CDKAL1: variants seen among roughly 807,000 people sequenced by gnomAD.
CDKAL1 encodes threonylcarbamoyladenosine tRNA methylthiotransferase.
Under a neutral mutation model 68.2 loss-of-function variants are expected in CDKAL1, and 32 were observed. The observed-to-expected ratio is 0.47, with a 90% CI of 0.35 to 0.63. The LOEUF (loss-of-function observed/expected upper bound fraction) is 0.63. Among genes scored for constraint, CDKAL1 ranks in the 30% least tolerant of loss-of-function variants. The pLI is 0.00. For synonymous variants in CDKAL1, 234 were observed against 244.3 expected (o/e 0.96, Z 0.39); for missense variants, 606 against 696.7 (o/e 0.87, Z 1.47).
At chr6:21,147,691 T>A (rs1776246982) in intron 13 of CDKAL1, among the ~76,000 whole-genome samples, 1 of 152,172 alleles carries the variant, frequency 6.6e-6, no homozygotes, top group Non-Finnish European at 1.5e-5. Flanking sequence ...CACTTCCATT[T>A]GGCAAAATAA....
chr6:20,635,720 A>G (rs961869348), intron 4 of CDKAL1, among the ~76,000 whole-genome samples: 3 of 152,190 alleles, frequency 2.0e-5, no homozygotes, highest in Non-Finnish European at 4.4e-5. Context: ...CCTGCTGGGA[A>G]AAGGGAGGAA....
At chr6:20,613,455 A>G (rs989075376) in intron 4 of CDKAL1, among the ~76,000 whole-genome samples, 2 of 149,820 alleles carry the variant, frequency 1.3e-5, no homozygotes, top group Admixed American at 6.6e-5. Flanking sequence ...TTGTATTTTT[A>G]GTAGAGACAG....
intron 9 of CDKAL1, among the ~76,000 whole-genome samples, chr6:20,916,486 C>A (rs1020794812): frequency 2.6e-5 from 4 of 152,112 alleles, no homozygotes; most frequent in African/African-American, 9.7e-5. Context: ...AAGAGTATAG[C>A]ACTGAAGCGG....
At chr6:20,634,810 T>A (rs1224069806) in intron 4 of CDKAL1, among the ~76,000 whole-genome samples, 1 of 151,812 alleles carries the variant, frequency 6.6e-6, no homozygotes, top group Admixed American at 6.6e-5. Flanking sequence ...AAACCCCGTC[T>A]CTACTAAAAA....
chr6:20,581,340 T>A (rs1765136813), intron 4 of CDKAL1, among the ~76,000 whole-genome samples: 1 of 152,216 alleles, frequency 6.6e-6, no homozygotes, highest in Non-Finnish European at 1.5e-5. Context: ...GTCCATGCAA[T>A]ATACACTTAG....
intron 9 of CDKAL1, among the ~76,000 whole-genome samples, chr6:20,949,875 C>T (rs1184869381): frequency 2.6e-5 from 4 of 151,994 alleles, no homozygotes; most frequent in Admixed American, 2.0e-4. Context: ...CTGCATCCCC[C>T]ACCTCCCAGG....
At chr6:21,122,620 T>C (rs1022285615) in intron 13 of CDKAL1, among the ~76,000 whole-genome samples, 21 of 148,942 alleles carry the variant, frequency 1.4e-4, no homozygotes, top group Non-Finnish European at 5.9e-5. Context: ...TGTTACTGTA[T>C]TTTATTTATT....
intron 13 of CDKAL1, among the ~76,000 whole-genome samples, chr6:21,154,808 T>TTTAGTA (rs1344736976): frequency 2.0e-5 from 3 of 152,144 alleles, no homozygotes; most frequent in African/African-American, 7.2e-5. Context: ...GCCAACATGA[T>TTTAGTA]GAAACCCTGC....
intron 4 of CDKAL1, among the ~76,000 whole-genome samples, chr6:20,612,276 G>A (rs1296855959): frequency 1.3e-5 from 2 of 151,740 alleles, no homozygotes; most frequent in Non-Finnish European, 2.9e-5. Flanking sequence ...CCCGTTAGTG[G>A]GATTGCTGGA....
chr6:20,595,335 A>G (rs1765775016), intron 4 of CDKAL1, among the ~76,000 whole-genome samples: 1 of 152,102 alleles, frequency 6.6e-6, no homozygotes, highest in African/African-American at 2.4e-5. Flanking sequence ...GTCTTTTCAC[A>G]TAGTCCCATA....
intron 2 of CDKAL1, among the ~76,000 whole-genome samples, chr6:20,545,818 T>G (rs1763577681): frequency 6.6e-6 from 1 of 152,250 alleles, no homozygotes; most frequent in Non-Finnish European, 1.5e-5. Context: ...GACATTTCAC[T>G]TCTAAATATT....
intron 5 of CDKAL1, among the ~76,000 whole-genome samples, chr6:20,691,426 G>A (rs1405973712): frequency 6.6e-6 from 1 of 151,944 alleles, no homozygotes; most frequent in Non-Finnish European, 1.5e-5. Context: ...CTGAGGCAAG[G>A]CGAGCATGAG....
chr6:20,721,725 G>GTTTTTTTTTT (rs145893325), intron 5 of CDKAL1, among the ~76,000 whole-genome samples: 5 of 67,380 alleles, frequency 7.4e-5, no homozygotes, highest in African/African-American at 3.0e-4. Flanking sequence ...ACCAACTTCT[G>GTTTTTTTTTT]TTTTTTTTTT....
chr6:20,748,997 GTA>G (rs373574306), intron 6 of CDKAL1, among the ~76,000 whole-genome samples: 5 of 150,488 alleles, frequency 3.3e-5, no homozygotes, highest in Admixed American at 6.6e-5. Flanking sequence ...GTATGTGTGT[GTA>G]TATATATATA....
At chr6:21,169,511 C>T (rs1323830845) in intron 13 of CDKAL1, among the ~76,000 whole-genome samples, 1 of 152,124 alleles carries the variant, frequency 6.6e-6, no homozygotes, top group Non-Finnish European at 1.5e-5. Context: ...TGGTGCATAC[C>T]TGTAATCCCA....
intron 13 of CDKAL1, chr6:21,135,597 C>A: frequency 1.5e-6 from 1 of 655,842 alleles, no homozygotes; most frequent in Non-Finnish European, 1.9e-6. Context: ...GGACCATATG[C>A]TAGTTGACTA....
intron 9 of CDKAL1, among the ~76,000 whole-genome samples, chr6:20,878,604 G>A (rs1353561647): frequency 6.6e-6 from 1 of 151,844 alleles, no homozygotes; most frequent in East Asian, 1.9e-4. Context: ...AGCCGGGTGT[G>A]GTGATGCATG....
rs577481674 is a variant in CDKAL1 at position 21,202,611 on chromosome 6, G to GT, written c.1548+1340dup. Among the ~76,000 whole-genome samples, 24 of 152,268 alleles carry GT rather than the reference G, an allele frequency of 1.6e-4. 1 individual carries two copies. Among genetic ancestry groups the GT allele is most frequent in the African/African-American group, 5.5e-4 (23 of 41,554 alleles). Reference sequence around the variant, plus strand: ...ATTTTAGATTGCCACAGTGAAAAGGGTTTCTCAGCAAGTAGCAGTAGTGGG... The same window carrying GT: ...ATTTTAGATTGCCACAGTGAAAAGGGTTTTCTCAGCAAGTAGCAGTAGTGGG... On this transcript the variant is annotated intron_variant, in intron 15 of 15. Coordinates refer to ENST00000274695, the MANE Select transcript of CDKAL1 (RefSeq NM_017774.3).
At chr6:20,859,270 C>T (rs748673804) in intron 9 of CDKAL1, among the ~76,000 whole-genome samples, 2 of 151,112 alleles carry the variant, frequency 1.3e-5, no homozygotes, top group Non-Finnish European at 2.9e-5. Context: ...AAAGTGAGAT[C>T]CTGACTCAGA....
Sources: gnomAD v4.1 joint callset for allele counts (sites outside exome capture counted in the v4.1 genomes callset) on GRCh38, gnomAD v4.1.1 for gene constraint, MANE v1.5 for transcripts, NCBI Gene and HGNC (gene_info 2026-07-23, HGNC 2026-07-21) for gene names.